SNRPF: variants seen among roughly 807,000 people sequenced by gnomAD.
The protein encoded by SNRPF is small nuclear ribonucleoprotein polypeptide F.
In SNRPF, 1 loss-of-function variant was observed where a neutral mutation model predicts 13.4. That is an observed-to-expected ratio of 0.07 (90% CI 0.03 to 0.35). SNRPF has a LOEUF of 0.35. SNRPF is among the 10% of genes least tolerant of loss of function. The pLI, the probability that SNRPF is intolerant of heterozygous loss-of-function variation, is 0.99. For synonymous variants in SNRPF, 27 were observed against 32.1 expected, an observed-to-expected ratio of 0.84 and a Z score of 0.54; for missense variants, 53 against 101.0, an observed-to-expected ratio of 0.52 and a Z score of 2.04.
intron 1 of SNRPF, among the ~76,000 whole-genome samples, chr12:95,860,019 G>A (rs950695215): frequency 6.6e-6 from 1 of 152,186 alleles, no homozygotes; most frequent in African/African-American, 2.4e-5. Flanking sequence ...GTTAGAGGGG[G>A]TTAGTAGCCA....
At chr12:95,864,514 T>G (rs1468596965) in intron 2 of SNRPF, among the ~76,000 whole-genome samples, 1 of 152,264 alleles carries the variant, frequency 6.6e-6, no homozygotes, top group East Asian at 1.9e-4. Context: ...CACACTACTT[T>G]GCTGTAGTTC....
rs1337282686 is a variant in SNRPF, at chr12:95,864,780, A to T, written c.130-544A>T. ...TCGAAGTAGCCAGGCTTTGTGGCAC[A>T]TGCCTTTAGTCCTAGCTGCTCAGGA... On this transcript the variant is annotated intron_variant, in intron 2 of 3. Transcript: ENST00000266735. Among the ~76,000 whole-genome samples, 4 of 152,210 alleles carry T rather than the reference A, an allele frequency of 2.6e-5. No homozygotes were observed. In the East Asian group the frequency reaches 7.7e-4, roughly 29 times the overall value.
chr12:95,865,547 C>T (rs2079517236), intron 3 of SNRPF, among the ~76,000 whole-genome samples, 159 bp downstream of exon 3: 2 of 152,106 alleles, frequency 1.3e-5, no homozygotes, highest in Admixed American at 6.5e-5. Context: ...AATTGTTAAA[C>T]TTGTCAAAGG....
chr12:95,865,674 G>A (rs535018937), intron 3 of SNRPF, among the ~76,000 whole-genome samples: 23 of 152,062 alleles, frequency 1.5e-4, no homozygotes, highest in Admixed American at 7.2e-4. Context: ...CCTTTGTTGC[G>A]GGAACTTAGT....
At chr12:95,859,646 G>A (rs2079485003) in intron 1 of SNRPF, among the ~76,000 whole-genome samples, 1 of 152,190 alleles carries the variant, frequency 6.6e-6, no homozygotes, top group South Asian at 2.1e-4. Flanking sequence ...AGGAGGAGGA[G>A]TGTACCGAGC....
chr12:95,863,601 CAA>C (rs914022087), intron 2 of SNRPF, among the ~76,000 whole-genome samples: 3 of 152,164 alleles, frequency 2.0e-5, no homozygotes, highest in African/African-American at 7.2e-5. Flanking sequence ...TTGAACAAAA[CAA>C]AGTCCCTGCC....
Position 95,858,983 on chromosome 12 carries a change from G to C in SNRPF, c.-91G>C. 1 of 1,585,430 alleles carries C rather than the reference G, an allele frequency of 6.3e-7. No individual in the cohort carries two copies. On this transcript the variant is annotated 5_prime_UTR_variant, in exon 1 of 4. Transcript: ENST00000266735. ...GGCGGCCATTTCTCTTGAAACTGCG[G>C]CTCGGGACCTGCGGTACCTGCTGTA... is the stretch of plus-strand genomic sequence containing the variant.
chr12:95,859,986 A>G (rs1456824552), intron 1 of SNRPF, among the ~76,000 whole-genome samples: 1 of 152,228 alleles, frequency 6.6e-6, no homozygotes, highest in Non-Finnish European at 1.5e-5. Flanking sequence ...TCGCCATATC[A>G]AGATCACTCC....
In SNRPF at chr12:95,866,112, A is replaced by C; in HGVS notation, c.*41A>C. 2.0e-6 allele frequency: 2 copies of C among 978,584 alleles called. No individual in the cohort carries two copies. Among genetic ancestry groups the C allele is most frequent in the Non-Finnish European group, 3.1e-6 (2 of 644,440 alleles). 60.6% of individuals were successfully genotyped at this position (978,584 alleles called of 1,614,324 possible). A position where few individuals can be genotyped will look rare whatever the true frequency, so the allele number is the denominator to read the frequency against. On this transcript the variant is annotated 3_prime_UTR_variant, in exon 4 of 4. Transcript: ENST00000266735. Reference sequence around the variant, plus strand: ...ATTTTTTTTATATATATTTCTAGACAATAAAGATTTGTTTGTTTTTCAACT... The same window carrying C: ...ATTTTTTTTATATATATTTCTAGACCATAAAGATTTGTTTGTTTTTCAACT...
chr12:95,865,984 A>G (rs758857188), intron 3 of SNRPF, 21 bp from the exon 4 acceptor site: 12 of 1,249,814 alleles, frequency 9.6e-6, no homozygotes, highest in Admixed American at 9.5e-5. Context: ...GAACAACAAA[A>G]TCGACTTTTT....
intron 2 of SNRPF, among the ~76,000 whole-genome samples, chr12:95,864,402 GC>G (rs1177331069): frequency 6.6e-6 from 1 of 152,148 alleles, no homozygotes; most frequent in Admixed American, 6.5e-5. Flanking sequence ...TAGAAGGAAA[GC>G]TAAACATTTT....
chr12:95,860,872 T>TTTTTA (rs1555225579), intron 1 of SNRPF, among the ~76,000 whole-genome samples: 4 of 149,616 alleles, frequency 2.7e-5, no homozygotes, highest in Non-Finnish European at 5.9e-5. Context: ...TTTTTTTTTT[T>TTTTTA]AGTGCCTTTA....
In SNRPF at chr12:95,858,979, T is replaced by G. The variant is rs2079478471; in HGVS notation, c.-95T>G. 1.8e-5 allele frequency: 28 copies of G among 1,582,232 alleles called. No homozygotes were observed. Among genetic ancestry groups the G allele is most frequent in the Non-Finnish European group, 2.3e-5 (27 of 1,164,522 alleles). ...GTTTGGCGGCCATTTCTCTTGAAAC[T>G]GCGGCTCGGGACCTGCGGTACCTGC... On this transcript the variant is annotated 5_prime_UTR_variant, in exon 1 of 4. Coordinates refer to ENST00000266735, the MANE Select transcript of SNRPF (RefSeq NM_003095.5).
intron 2 of SNRPF, chr12:95,861,578 G>A: frequency 4.4e-6 from 1 of 229,600 alleles, no homozygotes; most frequent in Non-Finnish European, 8.6e-6. Context: ...TACTTTGCTG[G>A]AGAAAACAAA....
In SNRPF at chr12:95,863,148, T is replaced by C. The variant is rs2079503986; in HGVS notation, c.129+1855T>C. On this transcript the variant is annotated intron_variant, in intron 2 of 3. Transcript: ENST00000266735. ...TACTTAAGTAGGCAGAGAGCTATGA[T>C]TTTCCTTAACTTAGGCAATTACCAC... Among the ~76,000 whole-genome samples, 3 of 152,130 alleles carry C rather than the reference T, an allele frequency of 2.0e-5. No individual in the cohort carries two copies. The South Asian group carries it at 6.2e-4, about 31-fold the overall frequency.
chr12:95,864,494 A>G lies in SNRPF; in HGVS notation c.130-830A>G, dbSNP rs1191969113. On this transcript the variant is annotated intron_variant, in intron 2 of 3. Coordinates refer to ENST00000266735, the MANE Select transcript of SNRPF (RefSeq NM_003095.5). ...CAGACATTCGATTCATAATAATACC[A>G]TAAGGGAAACACACTACTTTGCTGT... Among the ~76,000 whole-genome samples the G allele has an allele frequency of 2.6e-5, 4 of 152,276 alleles. No homozygotes were observed. The East Asian group carries it at 7.7e-4, about 29-fold the overall frequency.
At chr12:95,863,643 G>A (rs1392099213) in intron 2 of SNRPF, among the ~76,000 whole-genome samples, 1 of 152,208 alleles carries the variant, frequency 6.6e-6, no homozygotes, top group Non-Finnish European at 1.5e-5. Context: ...GTGGTGGGAG[G>A]TGGTAATATA....
Position 95,865,632 on chromosome 12 carries a change from TA to T in SNRPF, c.194+246del, listed in dbSNP as rs550751281. The stretch of plus-strand genomic sequence containing the variant: ...TGTTTAATTTTCTAGCTCTTAGCTA[TA>T]ATCTTTTGCAGTGGCAACCTTTTGC... On this transcript the variant is annotated intron_variant, in intron 3 of 3. Transcript: ENST00000266735. Among the ~76,000 whole-genome samples, 268 of 152,336 alleles carry T rather than the reference TA, an allele frequency of 1.8e-3. 1 individual carries two copies. Among genetic ancestry groups the T allele is most frequent in the African/African-American group, 6.1e-3 (255 of 41,582 alleles).
chr12:95,859,138 C>T (rs2079480940), intron 1 of SNRPF, 62 bp downstream of exon 1: 4 of 1,433,114 alleles, frequency 2.8e-6, no homozygotes, highest in South Asian at 2.3e-5. Context: ...ACCAGCCTCG[C>T]GGGGCCTGCT....
Sources: gnomAD v4.1 joint callset for allele counts (sites outside exome capture counted in the v4.1 genomes callset) on GRCh38, gnomAD v4.1.1 for gene constraint, MANE v1.5 for transcripts, NCBI Gene and HGNC (gene_info 2026-07-23, HGNC 2026-07-21) for gene names.